The following ARL10 variants were observed in gnomAD, a reference collection of about 807,000 sequenced individuals.
The protein encoded by ARL10 is ADP-ribosylation factor-like protein 10.
ARL10 carries 23 observed loss-of-function variants against 26.1 expected under a neutral mutation model. The observed-to-expected ratio is 0.88, with a 90% CI of 0.63 to 1.25. ARL10 has a LOEUF of 1.25. Ranked by LOEUF, ARL10 falls within the 50% of genes most tolerant of loss-of-function variation. The pLI is 0.00. For synonymous variants in ARL10, 138 were observed against 149.1 expected (o/e 0.93, Z 0.54); for missense variants, 300 against 323.6 (o/e 0.93, Z 0.56).
At chr5:176,394,057 A>T (rs1756378684) in intron 1 of ARL10, among the ~76,000 whole-genome samples, 1 of 152,144 alleles carries the variant, frequency 6.6e-6, no homozygotes, top group Non-Finnish European at 1.5e-5. Context: ...CTCATTTCCT[A>T]GCCTGTAAAA....
chr5:176,390,547 A>C (rs925456846), downstream of ARL10, among the ~76,000 whole-genome samples: 5 of 152,160 alleles, frequency 3.3e-5, no homozygotes, highest in African/African-American at 9.7e-5. Context: ...TTCCTGCCTC[A>C]GCCTCCCGAG....
rs1421365018 is a variant in ARL10, at chr5:176,368,573, C to T, written c.386-234C>T. On this transcript the variant is annotated intron_variant, in intron 2 of 3. Transcript: ENST00000310389. This position sits in a 1 kb window ranked among gnomAD's most constrained non-coding sequence, Gnocchi z 4.1. ...GCCCCAAGAGACCCGCCTATCAGAGCTAGAGCTAAATCCAGTCTGAGTAGC... is the reference window on the plus strand; with the variant it reads ...GCCCCAAGAGACCCGCCTATCAGAGTTAGAGCTAAATCCAGTCTGAGTAGC... Among the ~76,000 whole-genome samples the T allele has an allele frequency of 5.3e-5, 8 of 152,090 alleles. No homozygotes were observed. Among genetic ancestry groups the T allele is most frequent in the Admixed American group, 3.3e-4 (5 of 15,270 alleles).
chr5:176,372,185 C>T lies in ARL10; in HGVS notation c.*290C>T. 1 of 901,936 alleles carries T rather than the reference C, an allele frequency of 1.1e-6. No individual in the cohort carries two copies. Among genetic ancestry groups the T allele is most frequent in the Non-Finnish European group, 1.5e-6 (1 of 674,206 alleles). The allele number at this position is 901,936 out of a possible 1,614,324, so 55.9% of individuals were successfully genotyped here. A position where few individuals can be genotyped will look rare whatever the true frequency, so the allele number is the denominator to read the frequency against. On this transcript the variant is annotated 3_prime_UTR_variant, in exon 4 of 4. Coordinates refer to ENST00000310389, the MANE Select transcript of ARL10 (RefSeq NM_173664.6). ...CCAGCTTTCCCTTCTCTTACCTGTACAGTGAGATGCTCAGTGGGCTCAATC... is the reference window on the plus strand; with the variant it reads ...CCAGCTTTCCCTTCTCTTACCTGTATAGTGAGATGCTCAGTGGGCTCAATC...
rs35069679 is a variant in ARL10, at chr5:176,381,843, A to C, written c.*9948A>C. ...AGATCTGTCTGAGTCTAATGAATAT[A>C]TTGTACAATTTTTAAAGTCCCCAGT... On this transcript the variant is annotated 3_prime_UTR_variant, in exon 4 of 4. Coordinates refer to ENST00000310389, the MANE Select transcript of ARL10 (RefSeq NM_173664.6). 0.36 allele frequency: 54,182 copies of C among 152,114 alleles called. 10,149 individuals are homozygous for C. Among genetic ancestry groups the C allele is most frequent in the African/African-American group, 0.47 (19,509 of 41,488 alleles). 9.4% of individuals were successfully genotyped at this position (152,114 alleles called of 1,614,324 possible).
chr5:176,365,606 G>A lies in ARL10; in HGVS notation c.43G>A (p.Gly15Ser), dbSNP rs1216149539. The stretch of plus-strand genomic sequence containing the variant: ...GGGCCCCTTGGTGCTGGCGCTGGGC[G>A]GCGCCGCGGCGGTGCTGGGCTCGGT... ...PLGPLVLALG[G>S]AAAVLGSVLF... Residue 15 changes from glycine (G) to serine (S), a missense_variant, in exon 1 of 4, where the codon GGC becomes AGC. Coordinates refer to ENST00000310389, the MANE Select transcript of ARL10 (RefSeq NM_173664.6). The A allele has an allele frequency of 2.4e-6, 3 of 1,255,548 alleles. No homozygotes were observed. Among genetic ancestry groups the A allele is most frequent in the South Asian group, 3.5e-5 (1 of 28,904 alleles). The allele number at this position is 1,255,548 out of a possible 1,614,324, so 77.8% of individuals were successfully genotyped here.
chr5:176,406,744 C>G (rs1313076426), downstream of ARL10: 2 of 1,269,684 alleles, frequency 1.6e-6, no homozygotes, highest in East Asian at 1.1e-4. Context: ...CACAAAAGCT[C>G]TGTCTGGGAT....
chr5:176,414,273 A>C, the ARL10 span, among the ~76,000 whole-genome samples: 1 of 152,072 alleles, frequency 6.6e-6, no homozygotes, highest in Non-Finnish European at 1.5e-5. Context: ...TGGGGCAGGC[A>C]TTTCTTAGGA....
downstream of ARL10, chr5:176,386,608 A>C: frequency 1.6e-6 from 1 of 623,202 alleles, no homozygotes; most frequent in African/African-American, 1.8e-5. Context: ...ACCTGGGTAC[A>C]TCCTCCCTAA....
At chr5:176,369,363 G>A in intron 3 of ARL10, 1 of 514,360 alleles carries the variant, frequency 1.9e-6, no homozygotes, top group Non-Finnish European at 3.1e-6. Context: ...CTTCCGAGTA[G>A]CTGGGATTAC....
rs1768655493 is a variant in ARL10 at position 176,375,171 on chromosome 5, CCCACCCACCCATCCACCCAT to C, written c.*3280_*3299del. 1.6e-5 allele frequency: 1 copy of C among 62,474 alleles called. No homozygotes were observed. The highest frequency in any genetic ancestry group is 5.9e-5 in the African/African-American group (1 of 16,874). The allele number at this position is 62,474 out of a possible 1,614,324, so 3.9% of individuals were successfully genotyped here. A position where few individuals can be genotyped will look rare whatever the true frequency, so the allele number is the denominator to read the frequency against. ...ACCCACCCACCCATCCATCCACCCA[CCCACCCACCCATCCACCCAT>C]CCATCCATCCATCCACTCATCCACC... On this transcript the variant is annotated 3_prime_UTR_variant, in exon 4 of 4. Coordinates refer to ENST00000310389, the MANE Select transcript of ARL10 (RefSeq NM_173664.6).
downstream of ARL10, chr5:176,406,811 G>T: frequency 1.2e-6 from 1 of 854,320 alleles, no homozygotes; most frequent in Non-Finnish European, 1.6e-6. Flanking sequence ...GCAGGTGCAG[G>T]CCAGACCTGC....
At chr5:176,384,078 C>T (rs776470859), downstream of ARL10, 66 of 1,588,744 alleles carry the variant, frequency 4.2e-5, no homozygotes, top group Middle Eastern at 1.6e-4. Context: ...TTCCCCAGAG[C>T]GGGGAGTGTG....
chr5:176,368,180 G>T lies in ARL10; in HGVS notation c.386-627G>T, dbSNP rs78256154. Reference sequence around the variant, plus strand: ...AAAAGAAAGGTGATCCAGGCTGGGGGACTGTGTTGGCAACCATGTGTTCAT... The same window carrying T: ...AAAAGAAAGGTGATCCAGGCTGGGGTACTGTGTTGGCAACCATGTGTTCAT... On this transcript the variant is annotated intron_variant, in intron 2 of 3. Transcript: ENST00000310389. The surrounding 1 kb of genome is among the most constrained non-coding windows in gnomAD (Gnocchi z 4.1). 6.6e-3 allele frequency: 2,631 copies of T among 396,414 alleles called. 19 individuals are homozygous for T. Among genetic ancestry groups the T allele is most frequent in the Middle Eastern group, 0.028 (29 of 1,032 alleles). 24.6% of individuals were successfully genotyped at this position (396,414 alleles called of 1,614,324 possible). A position where few individuals can be genotyped will look rare whatever the true frequency, so the allele number is the denominator to read the frequency against.
intron 1 of ARL10, chr5:176,398,065 A>G: frequency 1.2e-6 from 2 of 1,609,578 alleles, no homozygotes; most frequent in East Asian, 2.2e-5. Flanking sequence ...ACAAACACGC[A>G]GCAGTCTATC....
At chr5:176,387,936 G>A (rs1010848584) in intron 1 of ARL10, among the ~76,000 whole-genome samples, 4 of 152,188 alleles carry the variant, frequency 2.6e-5, no homozygotes, top group African/African-American at 9.7e-5. Context: ...GTACTAATTA[G>A]GAAAGTTAAG....
downstream of ARL10, chr5:176,389,320 C>A (rs774117788): frequency 6.2e-7 from 1 of 1,610,308 alleles, no homozygotes; most frequent in South Asian, 1.1e-5. Context: ...GTTGCTTTGT[C>A]CCCTCCTCAG....
downstream of ARL10, chr5:176,384,992 G>A (rs558172450): frequency 6.1e-5 from 35 of 573,004 alleles, no homozygotes; most frequent in African/African-American, 1.3e-4. Context: ...AACACCATGC[G>A]AGCAAAACAT....
At chr5:176,412,151 G>A in the ARL10 span, among the ~76,000 whole-genome samples, 1 of 150,248 alleles carries the variant, frequency 6.7e-6, no homozygotes, top group Non-Finnish European at 1.5e-5. Flanking sequence ...ACTCCAGCCT[G>A]GGCGACAGAG....
chr5:176,369,524 T>A (rs1402298218), intron 3 of ARL10, among the ~76,000 whole-genome samples: 2 of 152,184 alleles, frequency 1.3e-5, no homozygotes, highest in African/African-American at 2.4e-5. Context: ...TGAGTCACTG[T>A]GTCTGGCCCC....
Sources: gnomAD v4.1 joint callset for allele counts (sites outside exome capture counted in the v4.1 genomes callset) on GRCh38, gnomAD v4.1.1 for gene constraint, Gnocchi (gnomAD v3.1) non-coding constraint, MANE v1.5 for transcripts, NCBI Gene and HGNC (gene_info 2026-07-23, HGNC 2026-07-21) for gene names.